Variants in CHRM3 observed in about 807,000 individuals in gnomAD.
CHRM3 encodes the protein muscarinic acetylcholine receptor M3.
Under a neutral mutation model 41.8 loss-of-function variants are expected in CHRM3, and 11 were observed. That is an observed-to-expected ratio of 0.26 (90% confidence interval 0.17 to 0.44). The LOEUF (loss-of-function observed/expected upper bound fraction) is 0.44, where lower values mean the gene tolerates loss of function less well. CHRM3 is among the 20% of genes least tolerant of loss of function. CHRM3 has a pLI of 1.00. For missense variants in CHRM3, 571 were observed against 745.4 expected (o/e 0.77, Z 2.72); for synonymous variants, 297 against 301.4 (o/e 0.99, Z 0.15).
At chr1:239,701,888 C>G (rs2148105169) in intron 5 of CHRM3, among the ~76,000 whole-genome samples, 1 of 152,268 alleles carries the variant, frequency 6.6e-6, no homozygotes, top group East Asian at 1.9e-4. Flanking sequence ...CAAATCTTAT[C>G]TACTCTTTAA....
intron 1 of CHRM3, among the ~76,000 whole-genome samples, chr1:239,479,988 G>A (rs1666726631): frequency 6.6e-6 from 1 of 152,148 alleles, no homozygotes; most frequent in South Asian, 2.1e-4. Context: ...AGGCTATGGT[G>A]TCACTAGACA....
intron 6 of CHRM3, among the ~76,000 whole-genome samples, chr1:239,902,747 A>G (rs1679676083): frequency 6.6e-6 from 1 of 152,154 alleles, no homozygotes. Context: ...TAGCATTAGG[A>G]CTGCCATGGT....
chr1:239,431,552 C>T (rs1662834735), intron 1 of CHRM3, among the ~76,000 whole-genome samples: 3 of 152,144 alleles, frequency 2.0e-5, no homozygotes, highest in Admixed American at 6.5e-5. Flanking sequence ...TCAGACACAG[C>T]TTTTTGAAGA....
intron 6 of CHRM3, among the ~76,000 whole-genome samples, chr1:239,904,903 G>A (rs1404017229): frequency 6.6e-6 from 1 of 152,058 alleles, no homozygotes; most frequent in African/African-American, 2.4e-5. Context: ...GTATTTATAT[G>A]TGCATATGTG....
At chr1:239,680,687 A>G (rs1658473260) in intron 5 of CHRM3, among the ~76,000 whole-genome samples, 1 of 149,420 alleles carries the variant, frequency 6.7e-6, no homozygotes, top group African/African-American at 2.6e-5. Flanking sequence ...TTTAGGCAGA[A>G]TAACAGAATT....
intron 5 of CHRM3, among the ~76,000 whole-genome samples, chr1:239,679,898 G>T (rs974274172): frequency 6.6e-6 from 1 of 151,962 alleles, no homozygotes. Context: ...TTCACAGTCC[G>T]CTCTGAGCCC....
Position 239,909,503 on chromosome 1 carries a change from T to G in CHRM3, c.*279T>G. 1 of 324,562 alleles carries G rather than the reference T, an allele frequency of 3.1e-6. No homozygotes were observed. Among genetic ancestry groups the G allele is most frequent in the Non-Finnish European group, 5.9e-6 (1 of 169,628 alleles). The allele number at this position is 324,562 out of a possible 1,614,324, so 20.1% of individuals were successfully genotyped here. ...GTTTTTTTCTTAAAGAGGAGAAAAA[T>G]ATTGCTTGACGGCAATTATATACCC... On this transcript the variant is annotated 3_prime_UTR_variant, in exon 7 of 7. Transcript: ENST00000676153.
intron 1 of CHRM3, among the ~76,000 whole-genome samples, chr1:239,411,512 G>A (rs1661060068): frequency 6.6e-6 from 1 of 151,856 alleles, no homozygotes; most frequent in African/African-American, 2.4e-5. Context: ...GGATCATGAG[G>A]TCAGGAGTTC....
At chr1:239,859,043 T>G (rs781361383) in intron 6 of CHRM3, among the ~76,000 whole-genome samples, 8 of 152,246 alleles carry the variant, frequency 5.3e-5, no homozygotes, top group Non-Finnish European at 1.2e-4. Context: ...TAAATAAGGC[T>G]GCTATGAACA....
At chr1:239,399,435 A>G (rs1004976452) in intron 1 of CHRM3, among the ~76,000 whole-genome samples, 23 of 151,802 alleles carry the variant, frequency 1.5e-4, no homozygotes, top group Non-Finnish European at 3.4e-4. Context: ...TGTGTTGTAC[A>G]ATAGATCTCT....
intron 1 of CHRM3, among the ~76,000 whole-genome samples, chr1:239,424,718 G>A (rs1662233325): frequency 6.6e-6 from 1 of 152,176 alleles, no homozygotes; most frequent in Non-Finnish European, 1.5e-5. Flanking sequence ...AAGAAGTAGT[G>A]TGTACAGACT....
chr1:239,663,494 G>C (rs925582559), intron 4 of CHRM3, among the ~76,000 whole-genome samples: 1 of 152,180 alleles, frequency 6.6e-6, no homozygotes, highest in Non-Finnish European at 1.5e-5. Context: ...CGATGGGATG[G>C]AGTCCTAAGA....
chr1:239,746,856 C>T (rs1665405297), intron 5 of CHRM3, among the ~76,000 whole-genome samples: 1 of 151,960 alleles, frequency 6.6e-6, no homozygotes, highest in African/African-American at 2.4e-5. Flanking sequence ...CTCCCGGGTT[C>T]AAGTGATTCT....
intron 3 of CHRM3, among the ~76,000 whole-genome samples, chr1:239,588,050 T>A (rs1663608142): frequency 6.6e-6 from 1 of 152,242 alleles, no homozygotes; most frequent in South Asian, 2.1e-4. Context: ...GCTCTCCTAA[T>A]TCAAAGCATG....
At chr1:239,598,103 G>C (rs943547204) in intron 3 of CHRM3, among the ~76,000 whole-genome samples, 1 of 152,066 alleles carries the variant, frequency 6.6e-6, no homozygotes, top group Admixed American at 6.6e-5. Context: ...GCACACACTA[G>C]GACGCACAGC....
intron 3 of CHRM3, among the ~76,000 whole-genome samples, chr1:239,553,227 A>G (rs191175171): frequency 6.6e-6 from 1 of 152,220 alleles, no homozygotes; most frequent in South Asian, 2.1e-4. Context: ...TAATATTTTC[A>G]TGTGGGGAAA....
intron 3 of CHRM3, among the ~76,000 whole-genome samples, chr1:239,606,728 C>T (rs560958626): frequency 4.6e-5 from 7 of 152,272 alleles, no homozygotes; most frequent in East Asian, 1.9e-4. Context: ...TTACCAGATT[C>T]GTAAGATGGT....
intron 2 of CHRM3, among the ~76,000 whole-genome samples, chr1:239,504,866 G>T (rs1668462643): frequency 6.6e-6 from 1 of 151,458 alleles, no homozygotes; most frequent in Non-Finnish European, 1.5e-5. Flanking sequence ...AAGCTATGAG[G>T]ATGCAAAGGC....
intron 5 of CHRM3, among the ~76,000 whole-genome samples, chr1:239,779,412 G>A (rs1558115288): frequency 6.6e-6 from 1 of 152,208 alleles, no homozygotes; most frequent in Non-Finnish European, 1.5e-5. Context: ...ACAGAATCAT[G>A]TATCCACCAT....
Sources: gnomAD v4.1 joint callset for allele counts (sites outside exome capture counted in the v4.1 genomes callset) on GRCh38, gnomAD v4.1.1 for gene constraint, MANE v1.5 for transcripts, NCBI Gene and HGNC (gene_info 2026-07-23, HGNC 2026-07-21) for gene names.